Variants in GRIK4 observed in about 807,000 individuals in gnomAD.
GRIK4 encodes the protein glutamate receptor ionotropic, kainate 4.
In GRIK4, 40 loss-of-function variants were observed where a neutral mutation model predicts 104.9. The observed-to-expected ratio is 0.38, with a 90% CI of 0.30 to 0.50. The LOEUF (loss-of-function observed/expected upper bound fraction) is 0.50, where lower values mean the gene tolerates loss of function less well. Among genes scored for constraint, GRIK4 ranks in the 20% least tolerant of loss-of-function variants. GRIK4 has a pLI of 0.93. For synonymous variants in GRIK4, 485 were observed against 524.9 expected, an observed-to-expected ratio of 0.92 and a Z score of 1.04; for missense variants, 1,047 against 1,308.1, an observed-to-expected ratio of 0.80 and a Z score of 3.08.
chr11:120,662,252 C>G (rs1211730265), intron 3 of GRIK4, among the ~76,000 whole-genome samples: 1 of 152,220 alleles, frequency 6.6e-6, no homozygotes, highest in Non-Finnish European at 1.5e-5. Flanking sequence ...TCAGCTCTGT[C>G]AAGACTGCTG....
chr11:120,667,701 G>A (rs1298585165), intron 3 of GRIK4, among the ~76,000 whole-genome samples: 1 of 152,218 alleles, frequency 6.6e-6, no homozygotes. Context: ...TATGGTACCT[G>A]GGCAGCTCGT....
At chr11:120,591,386 T>G (rs1948730753) in intron 1 of GRIK4, among the ~76,000 whole-genome samples, 1 of 152,064 alleles carries the variant, frequency 6.6e-6, no homozygotes, top group African/African-American at 2.4e-5. Context: ...GTGCTACTGG[T>G]TGGCAGGGAA....
chr11:120,951,653 T>C (rs912319323), intron 14 of GRIK4, among the ~76,000 whole-genome samples: 5 of 152,172 alleles, frequency 3.3e-5, no homozygotes, highest in East Asian at 1.9e-4. Flanking sequence ...TTAGGGTGCA[T>C]CTAGTCCAGT....
intron 1 of GRIK4, among the ~76,000 whole-genome samples, chr11:120,625,131 C>T (rs563639842): frequency 1.6e-4 from 25 of 152,162 alleles, no homozygotes; most frequent in Middle Eastern, 3.4e-3. Context: ...AAAAATTAGC[C>T]GGGCATGGTG....
intron 2 of GRIK4, among the ~76,000 whole-genome samples, chr11:120,654,463 A>G (rs1204343031): frequency 6.6e-6 from 1 of 152,108 alleles, no homozygotes; most frequent in East Asian, 1.9e-4. Context: ...TGCCGGTTCA[A>G]GTGATTCTCC....
At chr11:120,861,145 C>T (rs892484845) in intron 8 of GRIK4, among the ~76,000 whole-genome samples, 21 of 104,388 alleles carry the variant, frequency 2.0e-4, no homozygotes, top group African/African-American at 6.8e-4. Flanking sequence ...CTTTGCTCTT[C>T]TTGCCCAGGC....
intron 8 of GRIK4, chr11:120,858,430 C>T (rs181904106): frequency 6.6e-6 from 1 of 152,264 alleles, no homozygotes; most frequent in East Asian, 1.9e-4. Context: ...CTGAAGCACG[C>T]CACTGCCAGG....
chr11:120,657,839 A>G (rs1432147062), intron 2 of GRIK4, among the ~76,000 whole-genome samples: 1 of 152,182 alleles, frequency 6.6e-6, no homozygotes, highest in African/African-American at 2.4e-5. Flanking sequence ...GAGGCATAAC[A>G]CACATAAGGA....
chr11:120,865,293 TG>T (rs1392635989), intron 9 of GRIK4, among the ~76,000 whole-genome samples: 2 of 152,288 alleles, frequency 1.3e-5, no homozygotes, highest in Non-Finnish European at 2.9e-5. Context: ...AGGTAGCTTT[TG>T]CTATGTAAAT....
At chr11:120,893,055 G>A (rs537316750) in intron 11 of GRIK4, among the ~76,000 whole-genome samples, 1 of 152,338 alleles carries the variant, frequency 6.6e-6, no homozygotes, top group African/African-American at 2.4e-5. Context: ...AACCCCAAGG[G>A]TAGCACTGTA....
chr11:120,986,140 G>A lies in GRIK4; in HGVS notation c.2751G>A (p.Thr917=), dbSNP rs1252845543. 1.3e-6 allele frequency: 2 copies of A among 1,530,670 alleles called. No homozygotes were observed. The highest frequency in any genetic ancestry group is 1.4e-5 in the African/African-American group (1 of 70,230). The allele number at this position is 1,530,670 out of a possible 1,614,324, so 94.8% of individuals were successfully genotyped here. The stretch of plus-strand genomic sequence containing the variant: ...CCGCCCTGGTGGCCCGCGGCTGCAC[G>A]CACATCCGCGTCTGCCCCGAGTGCC... ...QEAALVARGC[T]HIRVCPECRR... Residue 917 remains threonine (T), a synonymous_variant, in exon 21 of 21, where the codon ACG becomes ACA. Transcript: ENST00000527524.
intron 1 of GRIK4, among the ~76,000 whole-genome samples, chr11:120,530,744 G>T (rs1207261670): frequency 6.6e-6 from 1 of 152,092 alleles, no homozygotes; most frequent in Non-Finnish European, 1.5e-5. Context: ...AAAAACCAAG[G>T]GGCCTGCTAC....
rs115748283 is a variant in GRIK4 at position 120,901,329 on chromosome 11, G to A, written c.1272+2690G>A. Among the ~76,000 whole-genome samples the A allele has an allele frequency of 1.8e-4, 11 of 62,260 alleles. No homozygotes were observed. The South Asian group carries it at 3.4e-3, about 19-fold the overall frequency. 40.8% of individuals were successfully genotyped at this position (62,260 alleles called of 152,430 possible). ...ACCTGCTCGCTGCATCCTGCCGCTC[G>A]CTGCATCCTGCCCCTCCCTGCCTTG... On this transcript the variant is annotated intron_variant, in intron 12 of 20. Transcript: ENST00000527524.
intron 3 of GRIK4, among the ~76,000 whole-genome samples, chr11:120,728,797 A>G (rs1375156918): frequency 6.6e-6 from 1 of 151,944 alleles, no homozygotes; most frequent in Non-Finnish European, 1.5e-5. Flanking sequence ...TAAATGTACA[A>G]TTAAATTATT....
rs141548459 is a variant in GRIK4, at chr11:120,827,370, C to T, written c.512-4482C>T. On this transcript the variant is annotated intron_variant, in intron 6 of 20. Coordinates refer to ENST00000527524, the MANE Select transcript of GRIK4 (RefSeq NM_014619.5). ...ACAGCCTGCCTGCCGACTCTCTCAT[C>T]GATCCGTCCCGCTGCATCCTGAGCA... is the stretch of plus-strand genomic sequence containing the variant. Among the ~76,000 whole-genome samples the T allele has an allele frequency of 3.4e-4, 52 of 152,304 alleles. No individual in the cohort carries two copies. In the East Asian group the frequency reaches 9.9e-3, roughly 29 times the overall value.
intron 13 of GRIK4, chr11:120,936,329 G>A: frequency 2.0e-6 from 1 of 500,014 alleles, no homozygotes; most frequent in South Asian, 1.5e-5. Context: ...TGATGTGAGG[G>A]CAATATTCAG....
At chr11:120,950,732 C>T (rs1346378590) in intron 14 of GRIK4, among the ~76,000 whole-genome samples, 2 of 152,112 alleles carry the variant, frequency 1.3e-5, no homozygotes, top group Non-Finnish European at 2.9e-5. Flanking sequence ...GCCTCTGGCT[C>T]TTAGGATGAT....
intron 3 of GRIK4, among the ~76,000 whole-genome samples, chr11:120,756,419 A>T (rs1951652638): frequency 3.3e-5 from 5 of 152,146 alleles, no homozygotes; most frequent in Admixed American, 2.6e-4. Context: ...CCTGTGCCAC[A>T]TACTGCCCTA....
At chr11:120,528,806 G>A (rs892095023) in intron 1 of GRIK4, among the ~76,000 whole-genome samples, 2 of 152,110 alleles carry the variant, frequency 1.3e-5, no homozygotes, top group South Asian at 2.1e-4. Flanking sequence ...AGAACAACAC[G>A]GGAAAGACCT....
Sources: gnomAD v4.1 joint callset for allele counts (sites outside exome capture counted in the v4.1 genomes callset) on GRCh38, gnomAD v4.1.1 for gene constraint, MANE v1.5 for transcripts, NCBI Gene and HGNC (gene_info 2026-07-23, HGNC 2026-07-21) for gene names.